AGBL4: variants seen among roughly 807,000 people sequenced by gnomAD.
The protein encoded by AGBL4 is AGBL carboxypeptidase 4.
In AGBL4, 58 loss-of-function variants were observed where a neutral mutation model predicts 66.4. The observed-to-expected ratio is 0.87, with a 90% CI of 0.71 to 1.09. The LOEUF is 1.09. AGBL4 is among the 50% of genes least tolerant of loss of function. The pLI, the probability that AGBL4 is intolerant of heterozygous loss-of-function variation, is 0.00. For missense variants in AGBL4, 579 were observed against 631.0 expected (o/e 0.92, Z 0.88); for synonymous variants, 234 against 222.9 (o/e 1.05, Z -0.44).
At chr1:49,582,657 CA>C (rs1395714224) in intron 3 of AGBL4, among the ~76,000 whole-genome samples, 4 of 152,178 alleles carry the variant, frequency 2.6e-5, no homozygotes, top group African/African-American at 4.8e-5. Context: ...CAATAGTTTC[CA>C]AAACCATGCA....
At chr1:49,021,598 A>G (rs1036447024) in intron 5 of AGBL4, among the ~76,000 whole-genome samples, 1 of 152,174 alleles carries the variant, frequency 6.6e-6, no homozygotes, top group African/African-American at 2.4e-5. Context: ...CTATTTTGGC[A>G]CCCTTACCTC....
At chr1:48,964,433 A>G (rs1259279703) in intron 5 of AGBL4, among the ~76,000 whole-genome samples, 1 of 152,224 alleles carries the variant, frequency 6.6e-6, no homozygotes, top group African/African-American at 2.4e-5. Flanking sequence ...CTACTCTTTG[A>G]ATCCCACAGG....
At chr1:49,984,481 C>G (rs1200418452) in intron 1 of AGBL4, among the ~76,000 whole-genome samples, 2 of 152,204 alleles carry the variant, frequency 1.3e-5, no homozygotes, top group Non-Finnish European at 2.9e-5. Flanking sequence ...ACACATGCAT[C>G]AGGACTACCT....
chr1:48,927,411 A>G (rs1449483463), intron 5 of AGBL4, among the ~76,000 whole-genome samples: 1 of 152,164 alleles, frequency 6.6e-6, no homozygotes, highest in Non-Finnish European at 1.5e-5. Flanking sequence ...GGGGAAGACC[A>G]ACCCTCATGA....
intron 2 of AGBL4, among the ~76,000 whole-genome samples, chr1:49,836,762 G>C (rs959237457): frequency 1.1e-4 from 16 of 152,182 alleles, no homozygotes; most frequent in African/African-American, 3.4e-4. Context: ...TGGGGTTGTT[G>C]TGTGGATGTC....
At chr1:49,766,097 T>C (rs1294735166) in intron 2 of AGBL4, among the ~76,000 whole-genome samples, 1 of 152,154 alleles carries the variant, frequency 6.6e-6, no homozygotes, top group African/African-American at 2.4e-5. Context: ...ATCTGCCAAA[T>C]GCTTTACAAA....
intron 3 of AGBL4, among the ~76,000 whole-genome samples, chr1:49,585,470 G>C (rs1307733577): frequency 6.6e-6 from 1 of 152,074 alleles, no homozygotes; most frequent in Non-Finnish European, 1.5e-5. Flanking sequence ...AGATCAGAGG[G>C]TGGCCTCCAG....
chr1:49,564,854 G>A (rs1157859751), intron 3 of AGBL4, among the ~76,000 whole-genome samples: 1 of 152,108 alleles, frequency 6.6e-6, no homozygotes, highest in Non-Finnish European at 1.5e-5. Context: ...TCAATTCCTG[G>A]ATATCCTTCT....
chr1:49,969,421 A>G (rs1657863865), intron 1 of AGBL4, among the ~76,000 whole-genome samples: 1 of 152,088 alleles, frequency 6.6e-6, no homozygotes, highest in African/African-American at 2.4e-5. Context: ...TAAGTATACA[A>G]CACAGTATTA....
At chr1:49,151,592 G>A (rs1432926754) in intron 4 of AGBL4, among the ~76,000 whole-genome samples, 1 of 151,080 alleles carries the variant, frequency 6.6e-6, no homozygotes, top group Non-Finnish European at 1.5e-5. Context: ...AAAAAACCTG[G>A]TAATTCTTTG....
At chr1:49,802,449 T>A (rs556497009) in intron 2 of AGBL4, among the ~76,000 whole-genome samples, 1 of 152,358 alleles carries the variant, frequency 6.6e-6, no homozygotes, top group African/African-American at 2.4e-5. Flanking sequence ...CTGTTACTGC[T>A]GATTAATATC....
At chr1:49,796,039 TA>T (rs1425017455) in intron 2 of AGBL4, among the ~76,000 whole-genome samples, 2 of 151,904 alleles carry the variant, frequency 1.3e-5, no homozygotes, top group African/African-American at 4.8e-5. Flanking sequence ...AACTAAGACT[TA>T]ATATTCTTAC....
intron 3 of AGBL4, among the ~76,000 whole-genome samples, chr1:49,460,717 G>A (rs772517360): frequency 2.8e-4 from 43 of 151,504 alleles, no homozygotes; most frequent in Non-Finnish European, 6.2e-4. Flanking sequence ...GCTTTAAGGA[G>A]GTTCTATTTT....
At chr1:49,805,207 A>G (rs946335812) in intron 2 of AGBL4, among the ~76,000 whole-genome samples, 1 of 152,208 alleles carries the variant, frequency 6.6e-6, no homozygotes, top group African/African-American at 2.4e-5. Context: ...AAGTATATCA[A>G]AGAAGAGGGA....
chr1:49,882,278 T>G (rs1647421774), intron 1 of AGBL4, among the ~76,000 whole-genome samples: 1 of 150,414 alleles, frequency 6.6e-6, no homozygotes, highest in Admixed American at 6.6e-5. Context: ...CCATGCTGTT[T>G]TGGTTACTGT....
chr1:49,999,254 A>G (rs1057456164), intron 1 of AGBL4, among the ~76,000 whole-genome samples: 3 of 151,946 alleles, frequency 2.0e-5, no homozygotes, highest in Non-Finnish European at 4.4e-5. Context: ...ATTAATGTAC[A>G]CAAACAGTAG....
intron 3 of AGBL4, among the ~76,000 whole-genome samples, chr1:49,639,018 T>C (rs1211822472): frequency 1.3e-5 from 2 of 152,090 alleles, no homozygotes; most frequent in East Asian, 3.9e-4. Context: ...CAAAGTGCCC[T>C]AATAGACACA....
intron 3 of AGBL4, among the ~76,000 whole-genome samples, chr1:49,263,899 A>T (rs2148369883): frequency 6.6e-6 from 1 of 152,326 alleles, no homozygotes; most frequent in East Asian, 1.9e-4. Flanking sequence ...CGCTTAATTT[A>T]AAAAACTGGA....
intron 3 of AGBL4, among the ~76,000 whole-genome samples, chr1:49,573,142 G>T (rs973014493): frequency 3.0e-5 from 4 of 133,356 alleles, no homozygotes; most frequent in African/African-American, 1.3e-4. Context: ...CTGTGTGTGT[G>T]TGTCTGTGTG....
Sources: gnomAD v4.1 joint callset for allele counts (sites outside exome capture counted in the v4.1 genomes callset) on GRCh38, gnomAD v4.1.1 for gene constraint, MANE v1.5 for transcripts, NCBI Gene and HGNC (gene_info 2026-07-23, HGNC 2026-07-21) for gene names.